Variants in TUBGCP3 observed in about 807,000 individuals in gnomAD.
TUBGCP3 encodes the protein tubulin gamma complex component 3, also known as gamma-tubulin complex component 3.
Under a neutral mutation model 123.1 loss-of-function variants are expected in TUBGCP3, and 50 were observed. The observed-to-expected ratio is 0.41, with a 90% CI of 0.32 to 0.51. TUBGCP3 has a LOEUF of 0.51. Ranked by LOEUF, TUBGCP3 falls within the 20% of genes least tolerant of loss-of-function variation. The probability of loss-of-function intolerance (pLI) is 0.36; values close to 1 mark genes in which losing one functional copy is unlikely to be tolerated. For missense variants in TUBGCP3, 882 were observed against 1,127.0 expected, an observed-to-expected ratio of 0.78 and a Z score of 3.11; for synonymous variants, 405 against 413.9, an observed-to-expected ratio of 0.98 and a Z score of 0.26.
chr13:112,568,249 T>C (rs1277616292), intron 2 of TUBGCP3, among the ~76,000 whole-genome samples: 1 of 151,954 alleles, frequency 6.6e-6, no homozygotes, highest in African/African-American at 2.4e-5. Context: ...TTCTAGAAGG[T>C]GTTATTACTG....
chr13:112,541,079 A>G (rs1878482044), intron 11 of TUBGCP3, among the ~76,000 whole-genome samples: 1 of 152,240 alleles, frequency 6.6e-6, no homozygotes, highest in Non-Finnish European at 1.5e-5. Context: ...AGAAAAAAGT[A>G]CAGAAGAAAA....
chr13:112,509,473 C>T (rs1434987732), intron 17 of TUBGCP3, among the ~76,000 whole-genome samples: 1 of 152,184 alleles, frequency 6.6e-6, no homozygotes, highest in Non-Finnish European at 1.5e-5. Flanking sequence ...CAAACTCACA[C>T]CTTTCAAAAG....
chr13:112,538,236 A>G (rs571459399), intron 11 of TUBGCP3, among the ~76,000 whole-genome samples: 38 of 152,374 alleles, frequency 2.5e-4, no homozygotes, highest in African/African-American at 8.9e-4. Flanking sequence ...GGAAATGTTC[A>G]TTGCAGTATT....
At position 112,508,876 on chromosome 13, in the gene TUBGCP3, C is replaced by T. The variant is rs4907722; in HGVS notation, c.2087-4162G>A. Among the ~76,000 whole-genome samples, 39,419 of 151,772 alleles carry T rather than the reference C, an allele frequency of 0.26. 6,067 individuals carry two copies. The highest frequency in any genetic ancestry group is 0.42 in the African/African-American group (17,275 of 41,292). On this transcript the variant is annotated intron_variant, in intron 17 of 21. Transcript: ENST00000261965. The surrounding 1 kb of genome is among the most constrained non-coding windows in gnomAD (Gnocchi z 4.2). The stretch of plus-strand genomic sequence containing the variant: ...GGTCCTGCTGGCGCCACAGCCCAAG[C>T]CTCCCTCAAATCCATTCCCTTCCCT...
chr13:112,563,132 G>A (rs910522542), intron 3 of TUBGCP3, among the ~76,000 whole-genome samples: 2 of 152,096 alleles, frequency 1.3e-5, no homozygotes, highest in Non-Finnish European at 2.9e-5. Context: ...CTCTACTCCC[G>A]TCTCCACGTC....
chr13:112,544,376 A>G (rs972972813), intron 11 of TUBGCP3, among the ~76,000 whole-genome samples: 4 of 145,826 alleles, frequency 2.7e-5, no homozygotes, highest in African/African-American at 5.0e-5. Flanking sequence ...TGGCGTGAAC[A>G]TGGGAGGCAG....
chr13:112,492,573 G>A (rs1880170029), intron 20 of TUBGCP3, among the ~76,000 whole-genome samples: 1 of 149,552 alleles, frequency 6.7e-6, no homozygotes, highest in Non-Finnish European at 1.5e-5. Flanking sequence ...ACAGGGCCTG[G>A]TGTGTCTGAG....
chr13:112,582,966 C>A (rs773212887), intron 1 of TUBGCP3, among the ~76,000 whole-genome samples: 2 of 152,210 alleles, frequency 1.3e-5, no homozygotes, highest in East Asian at 1.9e-4. Flanking sequence ...TTGTCTCTAT[C>A]GAGCACACAG....
At chr13:112,575,958 A>ACT (rs1881775549) in intron 1 of TUBGCP3, among the ~76,000 whole-genome samples, 1 of 152,248 alleles carries the variant, frequency 6.6e-6, no homozygotes, top group Non-Finnish European at 1.5e-5. Context: ...GCCCCAGGAC[A>ACT]CTGCCTTTGG....
At chr13:112,516,697 G>A (rs1876163028) in intron 16 of TUBGCP3, 122 bp from the exon 17 acceptor site, 2 of 1,209,266 alleles carry the variant, frequency 1.7e-6, no homozygotes, top group South Asian at 1.6e-5. Flanking sequence ...AGCATGCTAA[G>A]TAAAGTCACA....
At chr13:112,580,129 C>T (rs1344518978) in intron 1 of TUBGCP3, among the ~76,000 whole-genome samples, 2 of 152,128 alleles carry the variant, frequency 1.3e-5, no homozygotes, top group Non-Finnish European at 2.9e-5. Context: ...GAAGCGGAGA[C>T]ATACACAGAC....
At chr13:112,516,394 G>A in intron 17 of TUBGCP3, 46 bp downstream of exon 17, 2 of 1,497,970 alleles carry the variant, frequency 1.3e-6, no homozygotes, top group Non-Finnish European at 1.8e-6. Context: ...GGGGGCTGGA[G>A]GCCGCTGGGA....
At chr13:112,504,889 A>ACTTGTGCAGGT (rs1219390315) in intron 17 of TUBGCP3, among the ~76,000 whole-genome samples, 175 bp from the exon 18 acceptor site, 2 of 152,228 alleles carry the variant, frequency 1.3e-5, no homozygotes, top group African/African-American at 4.8e-5. Flanking sequence ...GTCAAGCTAA[A>ACTTGTGCAGGT]CAAGAACTTA....
At chr13:112,538,976 C>A (rs1231878481) in intron 11 of TUBGCP3, among the ~76,000 whole-genome samples, 1 of 152,058 alleles carries the variant, frequency 6.6e-6, no homozygotes, top group South Asian at 2.1e-4. Flanking sequence ...TTAAAGAGAA[C>A]CTCACCAAAA....
chr13:112,566,709 T>C (rs971572810), intron 2 of TUBGCP3, among the ~76,000 whole-genome samples: 3 of 152,230 alleles, frequency 2.0e-5, no homozygotes, highest in Non-Finnish European at 4.4e-5. Context: ...CACTAATTCA[T>C]ACATGCACTA....
At chr13:112,487,083 CTGTG>C (rs373263012) in intron 21 of TUBGCP3, among the ~76,000 whole-genome samples, 2 of 77,268 alleles carry the variant, frequency 2.6e-5, no homozygotes, top group Admixed American at 1.4e-4. Flanking sequence ...GTGTGTGTGT[CTGTG>C]TGTGTGTGTG....
Position 112,547,690 on chromosome 13 carries a change from G to A in TUBGCP3, c.1098C>T (p.Arg366=). The part of the protein sequence containing the change: ...LGLESSLTLR[R]LLVWTYDPKI... ...TGGGATCATAGGTCCAAACCAGGAG[G>A]CGCCGAAGTGTTAAACTACTCTCAA... Residue 366 remains arginine, a synonymous_variant, in exon 10 of 22, where the codon CGC becomes CGT. Coordinates refer to ENST00000261965, the MANE Select transcript of TUBGCP3 (RefSeq NM_006322.6). 1 of 1,579,604 alleles carries A rather than the reference G, an allele frequency of 6.3e-7. No individual in the cohort carries two copies. Among genetic ancestry groups the A allele is most frequent in the Non-Finnish European group, 8.6e-7 (1 of 1,160,570 alleles).
chr13:112,540,397 T>C (rs970611307), intron 11 of TUBGCP3, among the ~76,000 whole-genome samples: 2 of 143,868 alleles, frequency 1.4e-5, no homozygotes, highest in African/African-American at 5.0e-5. Flanking sequence ...ATGACGTCAA[T>C]GTAGTAGCCT....
Position 112,556,257 on chromosome 13 carries a change from G to A in TUBGCP3, c.549-33C>T, listed in dbSNP as rs779258350. On this transcript the variant is annotated intron_variant, in intron 5 of 21. Transcript: ENST00000261965. ...AAGAAACATGTATTATCTTCTAATA[G>A]GCTATTCGCTGAAGAGACAAAAGTG... The A allele has an allele frequency of 8.8e-6, 14 of 1,591,704 alleles. No individual in the cohort carries two copies. In the Admixed American group the frequency reaches 2.0e-4, roughly 23 times the overall value.
Sources: allele counts gnomAD v4.1 joint callset (sites outside exome capture counted in the v4.1 genomes callset), GRCh38; gene constraint gnomAD v4.1.1; non-coding constraint Gnocchi (gnomAD v3.1); transcripts MANE v1.5; gene names NCBI Gene and HGNC (gene_info 2026-07-23, HGNC 2026-07-21).